The following PSMA6 variants were observed in gnomAD, a reference collection of about 807,000 sequenced individuals.
The protein encoded by PSMA6 is proteasome 20S subunit alpha 6, also known as proteasome subunit alpha type-6.
For synonymous variants in PSMA6, 88 were observed against 97.7 expected (o/e 0.90, Z 0.59); for missense variants, 170 against 294.8 (o/e 0.58, Z 3.10).
chr14:35,316,928 CTTTA>C (rs1363740145), intron 6 of PSMA6: 5 of 226,514 alleles, frequency 2.2e-5, no homozygotes, highest in Non-Finnish European at 3.5e-5. Context: ...TATAGTTTAG[CTTTA>C]TTTATGTTAT....
intron 1 of PSMA6, among the ~76,000 whole-genome samples, chr14:35,295,098 G>C (rs918802783): frequency 8.5e-5 from 13 of 152,262 alleles, no homozygotes; most frequent in African/African-American, 3.1e-4. Context: ...AGCACTTTGG[G>C]AGGGCGAGGT....
At chr14:35,287,072 A>G (rs141128900) in intron 1 of PSMA6, among the ~76,000 whole-genome samples, 3 of 152,266 alleles carry the variant, frequency 2.0e-5, no homozygotes, top group African/African-American at 7.2e-5. Flanking sequence ...TCCTCCTCCA[A>G]CACTCATCCA....
At chr14:35,301,743 A>G (rs2051717182) in intron 1 of PSMA6, among the ~76,000 whole-genome samples, 1 of 152,126 alleles carries the variant, frequency 6.6e-6, no homozygotes, top group Non-Finnish European at 1.5e-5. Context: ...TTATATGTAA[A>G]ATGTTTTTTA....
chr14:35,278,626 G>A, upstream of PSMA6: 4 of 1,492,620 alleles, frequency 2.7e-6, no homozygotes, highest in Non-Finnish European at 3.6e-6. Context: ...CTCTGCTGGA[G>A]CAGGGTAGTG....
chr14:35,315,915 T>C lies in PSMA6; in HGVS notation c.684-1334T>C, dbSNP rs1027256564. 3 of 152,262 alleles carry C rather than the reference T, an allele frequency of 2.0e-5. No individual in the cohort carries two copies. In the South Asian group the frequency reaches 6.2e-4, roughly 32 times the overall value. The allele number at this position is 152,262 out of a possible 1,614,324, so 9.4% of individuals were successfully genotyped here. ...TTCTGTGATAGTAAATATATGTAAATAATTACAGTACATAGCATAAGCATC... is the reference window on the plus strand; with the variant it reads ...TTCTGTGATAGTAAATATATGTAAACAATTACAGTACATAGCATAAGCATC... On this transcript the variant is annotated intron_variant, in intron 6 of 6. Transcript: ENST00000261479.
At position 35,317,405 on chromosome 14, in the gene PSMA6, T is replaced by G. The variant is rs2052064484; in HGVS notation, c.*99T>G. ...AGGTCCCTGGATTGAAAAAGGAGCC[T>G]CTCCCACTCCTCCTACCACCGAAGT... On this transcript the variant is annotated 3_prime_UTR_variant, in exon 7 of 7. Coordinates refer to ENST00000261479, the MANE Select transcript of PSMA6 (RefSeq NM_002791.3). The G allele has an allele frequency of 1.3e-5, 14 of 1,058,092 alleles. No homozygotes were observed. Among genetic ancestry groups the G allele is most frequent in the Non-Finnish European group, 1.9e-5 (13 of 691,456 alleles). The allele number at this position is 1,058,092 out of a possible 1,614,324, so 65.5% of individuals were successfully genotyped here.
chr14:35,309,504 G>C (rs2051897756), intron 3 of PSMA6, among the ~76,000 whole-genome samples: 1 of 151,718 alleles, frequency 6.6e-6, no homozygotes, highest in Non-Finnish European at 1.5e-5. Context: ...TTAGAAATTA[G>C]CTAGGGGCTG....
At chr14:35,299,462 C>T (rs553315476) in intron 1 of PSMA6, among the ~76,000 whole-genome samples, 5 of 151,742 alleles carry the variant, frequency 3.3e-5, no homozygotes, top group African/African-American at 1.2e-4. Context: ...GCTGGGATTA[C>T]AGGCGCCTGC....
intron 1 of PSMA6, among the ~76,000 whole-genome samples, chr14:35,279,162 T>G (rs757109617): frequency 5.9e-5 from 9 of 152,102 alleles, no homozygotes; most frequent in Non-Finnish European, 1.2e-4. Context: ...ATTCTCCTGC[T>G]TCAGCCTCCT....
intron 1 of PSMA6, chr14:35,292,963 T>G (rs1387616748): frequency 6.5e-6 from 3 of 462,280 alleles, no homozygotes; most frequent in Non-Finnish European, 8.6e-6. Context: ...CATGGACTTC[T>G]GTGGTTAATT....
At chr14:35,292,982 G>T in intron 1 of PSMA6, 1 of 459,874 alleles carries the variant, frequency 2.2e-6, no homozygotes, top group South Asian at 1.5e-5. Flanking sequence ...TTCCACACAG[G>T]CACTCGAAGC....
At chr14:35,313,920 C>T (rs1309755549) in intron 5 of PSMA6, 1 of 152,442 alleles carries the variant, frequency 6.6e-6, no homozygotes, top group Non-Finnish European at 1.5e-5. Flanking sequence ...GCTGGCGCCA[C>T]TGCACTCCAG....
At position 35,312,982 on chromosome 14, in the gene PSMA6, A is replaced by G; in HGVS notation, c.511A>G (p.Lys171Glu). 1 of 1,582,926 alleles carries G rather than the reference A, an allele frequency of 6.3e-7. No homozygotes were observed. The change falls in exon 5 of 7, where the codon AAA (lysine) becomes GAA (glutamate). Residue 171 changes from lysine to glutamate, a missense_variant. Transcript: ENST00000261479. Reference protein sequence around the residue: ...CGFKATAAGVKQTESTSFLEK... With the variant: ...CGFKATAAGVEQTESTSFLEK... The stretch of plus-strand genomic sequence containing the variant: ...GTTTAAAGCCACTGCAGCGGGAGTT[A>G]AACAAACTGAGTCAACCAGCTTCCT...
rs149756603 is a variant in PSMA6, at chr14:35,308,050, A to G, written c.133A>G (p.Lys45Glu). 6 of 1,614,002 alleles carry G rather than the reference A, an allele frequency of 3.7e-6. No individual in the cohort carries two copies. The East Asian group carries it at 1.3e-4, about 36-fold the overall frequency. ...GGLTSVAVRG[K>E]DCAVIVTQKK... ...CCTTACATCAGTAGCTGTCAGAGGG[A>G]AAGACTGTGCAGTAATTGTCACACA... is the stretch of plus-strand genomic sequence containing the variant. The change falls in exon 2 of 7, where the codon AAA (lysine) becomes GAA (glutamate). Residue 45 changes from lysine to glutamate, a missense_variant. By Grantham distance (56) the Lys-to-Glu change is moderately conservative (BLOSUM62 1). Transcript: ENST00000261479.
upstream of PSMA6, chr14:35,292,312 T>C (rs1174025239): frequency 4.1e-6 from 6 of 1,447,584 alleles, no homozygotes; most frequent in Non-Finnish European, 5.5e-6. Flanking sequence ...GCCTCAGAGC[T>C]CAGTGCTCGA....
At chr14:35,317,203 A>G in intron 6 of PSMA6, 46 bp from the exon 7 acceptor site, 1 of 1,548,638 alleles carries the variant, frequency 6.5e-7, no homozygotes, top group East Asian at 2.2e-5. Context: ...TGTGTTTGAA[A>G]AAATTTTTTT....
intron 1 of PSMA6, among the ~76,000 whole-genome samples, chr14:35,299,610 C>T (rs1207151356): frequency 6.6e-6 from 1 of 152,134 alleles, no homozygotes; most frequent in Non-Finnish European, 1.5e-5. Context: ...GCGTGAGCCA[C>T]CATGCCCAGC....
At chr14:35,301,595 T>C (rs994103385) in intron 1 of PSMA6, among the ~76,000 whole-genome samples, 11 of 152,114 alleles carry the variant, frequency 7.2e-5, no homozygotes, top group Non-Finnish European at 1.3e-4. Flanking sequence ...GTGACTATCA[T>C]ATTGGACATT....
At position 35,312,909 on chromosome 14, in the gene PSMA6, G is replaced by A; in HGVS notation, c.438G>A (p.Glu146=). 1.9e-6 allele frequency: 3 copies of A among 1,594,740 alleles called. No individual in the cohort carries two copies. Among genetic ancestry groups the A allele is most frequent in the South Asian group, 1.1e-5 (1 of 88,674 alleles). ...CCMILIGIDE[E]QGPQVYKCDP... is the part of the protein sequence containing the mutation. The stretch of plus-strand genomic sequence containing the variant: ...TGATTTTAATTGGTATAGATGAAGA[G>A]CAAGGCCCTCAGGTATATAAGTGTG... The change falls in exon 5 of 7, where the codon GAG becomes GAA. Residue 146 remains glutamate (E), a synonymous_variant. Transcript: ENST00000261479.
Sources: gnomAD v4.1 joint callset for allele counts (sites outside exome capture counted in the v4.1 genomes callset) on GRCh38, gnomAD v4.1.1 for gene constraint, MANE v1.5 for transcripts, NCBI Gene and HGNC (gene_info 2026-07-23, HGNC 2026-07-21) for gene names.